DOCK5: variants seen among roughly 807,000 people sequenced by gnomAD.
DOCK5 encodes dedicator of cytokinesis protein 5.
A neutral mutation model predicts 251.8 loss-of-function variants in DOCK5; 142 were observed. The ratio of observed to expected loss-of-function variants is 0.56; its 90% CI spans 0.49 to 0.65. DOCK5 has a LOEUF of 0.65. Ranked by LOEUF, DOCK5 falls within the 30% of genes least tolerant of loss-of-function variation. The pLI is 0.00. For synonymous variants in DOCK5, 842 were observed against 835.5 expected (o/e 1.01, Z -0.13); for missense variants, 2,111 against 2,312.3 (o/e 0.91, Z 1.79).
At chr8:25,222,140 T>C (rs1802407326) in intron 1 of DOCK5, among the ~76,000 whole-genome samples, 1 of 152,222 alleles carries the variant, frequency 6.6e-6, no homozygotes. Flanking sequence ...TTCATGCTGG[T>C]CCACTCTGCA....
chr8:25,224,025 G>T (rs939814687), intron 1 of DOCK5, among the ~76,000 whole-genome samples: 3 of 152,152 alleles, frequency 2.0e-5, no homozygotes, highest in Non-Finnish European at 2.9e-5. Context: ...GTTAATATTT[G>T]TTGAATGAAT....
In DOCK5 at chr8:25,184,969, CT is replaced by C; in HGVS notation, c.43+20del. The C allele has an allele frequency of 7.2e-7, 1 of 1,384,232 alleles. No homozygotes were observed. The highest frequency in any genetic ancestry group is 9.5e-7 in the Non-Finnish European group (1 of 1,057,992). The allele number at this position is 1,384,232 out of a possible 1,614,324, so 85.7% of individuals were successfully genotyped here. A position where few individuals can be genotyped will look rare whatever the true frequency, so the allele number is the denominator to read the frequency against. On this transcript the variant is annotated intron_variant, in intron 1 of 51. Coordinates refer to ENST00000276440, the MANE Select transcript of DOCK5 (RefSeq NM_024940.8). Reference sequence around the variant, plus strand: ...CGGGGTTGGTGAGTGCGCGCCCCACCTTGTCCCGGCCCGACCCACGCGGCCA... The same window carrying C: ...CGGGGTTGGTGAGTGCGCGCCCCACCTGTCCCGGCCCGACCCACGCGGCCA...
rs150902601 is a variant in DOCK5, at chr8:25,205,110, T to A, written c.43+20159T>A. On this transcript the variant is annotated intron_variant, in intron 1 of 51. Coordinates refer to ENST00000276440, the MANE Select transcript of DOCK5 (RefSeq NM_024940.8). ...ACAGGGTCTCATTATGTTGGCCAGGTTGGTCTTGAACTCCTGGCCTCAAGC... is the reference window on the plus strand; with the variant it reads ...ACAGGGTCTCATTATGTTGGCCAGGATGGTCTTGAACTCCTGGCCTCAAGC... 6.7e-3 allele frequency among the ~76,000 whole-genome samples: 1,013 copies of A among 152,196 alleles called. 13 individuals carry two copies. The highest frequency in any genetic ancestry group is 0.023 in the African/African-American group (944 of 41,534).
chr8:25,238,392 ACG>A (rs1802855198), intron 1 of DOCK5, among the ~76,000 whole-genome samples: 1 of 152,248 alleles, frequency 6.6e-6, no homozygotes, highest in South Asian at 2.1e-4. Flanking sequence ...ACTATGAAAT[ACG>A]CTGGAAATGT....
intron 25 of DOCK5, among the ~76,000 whole-genome samples, chr8:25,343,650 A>C (rs1436870133): frequency 1.3e-5 from 2 of 152,218 alleles, no homozygotes; most frequent in African/African-American, 4.8e-5. Flanking sequence ...ACCAGGGGAC[A>C]GGGAAACAGC....
chr8:25,326,689 C>T (rs927175105), intron 18 of DOCK5, among the ~76,000 whole-genome samples: 1 of 152,164 alleles, frequency 6.6e-6, no homozygotes, highest in Non-Finnish European at 1.5e-5. Context: ...GTTTAACTGT[C>T]TTCAGACCCT....
chr8:25,339,499 T>C (rs1805897593), intron 22 of DOCK5, among the ~76,000 whole-genome samples: 1 of 151,922 alleles, frequency 6.6e-6, no homozygotes, highest in African/African-American at 2.4e-5. Flanking sequence ...ATGAAGGCAG[T>C]GTTGGAGTGG....
At chr8:25,365,791 A>G (rs1800764817) in intron 30 of DOCK5, among the ~76,000 whole-genome samples, 1 of 152,202 alleles carries the variant, frequency 6.6e-6, no homozygotes. Flanking sequence ...CTAGGAAGTC[A>G]GTGTGAATTG....
At chr8:25,187,289 A>G (rs1801456082) in intron 1 of DOCK5, among the ~76,000 whole-genome samples, 1 of 149,136 alleles carries the variant, frequency 6.7e-6, no homozygotes, top group African/African-American at 2.5e-5. Context: ...GTATATATGT[A>G]TATACATATA....
intron 34 of DOCK5, among the ~76,000 whole-genome samples, chr8:25,370,687 T>C (rs1800857769): frequency 6.6e-6 from 1 of 152,120 alleles, no homozygotes; most frequent in Non-Finnish European, 1.5e-5. Flanking sequence ...TTTTTACTTG[T>C]GTAGAAATGG....
chr8:25,264,512 G>A lies in DOCK5; in HGVS notation c.128-4333G>A, dbSNP rs546427034. On this transcript the variant is annotated intron_variant, in intron 2 of 51. Transcript: ENST00000276440. ...ACATCCCACAATCCATTCCCATATAGCAGCAAGGATGCTCTTTTAAAAGCC... is the reference window on the plus strand; with the variant it reads ...ACATCCCACAATCCATTCCCATATAACAGCAAGGATGCTCTTTTAAAAGCC... Among the ~76,000 whole-genome samples the A allele has an allele frequency of 2.6e-5, 4 of 151,672 alleles. No individual in the cohort carries two copies. The East Asian group carries it at 7.7e-4, about 29-fold the overall frequency.
chr8:25,349,813 A>G (rs374475892), intron 26 of DOCK5, among the ~76,000 whole-genome samples: 4 of 152,168 alleles, frequency 2.6e-5, no homozygotes, highest in African/African-American at 9.7e-5. Context: ...CATTGGGTAC[A>G]GTGTACACTG....
At chr8:25,199,004 G>T (rs1226121616) in intron 1 of DOCK5, among the ~76,000 whole-genome samples, 1 of 152,154 alleles carries the variant, frequency 6.6e-6, no homozygotes, top group Non-Finnish European at 1.5e-5. Flanking sequence ...TGTTTGAGGA[G>T]GTTTGAGCCT....
rs191899889 is a variant in DOCK5 at position 25,378,915 on chromosome 8, C to T, written c.3937-1390C>T. On this transcript the variant is annotated intron_variant, in intron 38 of 51. Coordinates refer to ENST00000276440, the MANE Select transcript of DOCK5 (RefSeq NM_024940.8). ...AATTTTACAGCTGGGCTGCCGGGGG[C>T]GACATCACATATCGGTAGGACCGTG... 1.9e-3 allele frequency among the ~76,000 whole-genome samples: 285 copies of T among 152,216 alleles called. 3 individuals carry two copies. The South Asian group carries it at 0.03, about 16-fold the overall frequency.
chr8:25,404,962 TTTTG>T (rs1234094845), intron 48 of DOCK5, among the ~76,000 whole-genome samples: 5 of 152,144 alleles, frequency 3.3e-5, no homozygotes, highest in Non-Finnish European at 5.9e-5. Context: ...GTTTTTTGGT[TTTTG>T]TTTATTTTTC....
chr8:25,226,097 A>G (rs1802523175), intron 1 of DOCK5, among the ~76,000 whole-genome samples: 1 of 152,214 alleles, frequency 6.6e-6, no homozygotes, highest in Non-Finnish European at 1.5e-5. Context: ...GTCATTTAGC[A>G]GGTAAAATAA....
intron 16 of DOCK5, 116 bp downstream of exon 16, chr8:25,321,168 T>G: frequency 1.1e-6 from 1 of 869,732 alleles, no homozygotes; most frequent in Non-Finnish European, 1.8e-6. Flanking sequence ...TTGGCAGCTG[T>G]ATTTTGTAAC....
At chr8:25,397,297 C>G (rs1462831495) in intron 45 of DOCK5, among the ~76,000 whole-genome samples, 1 of 152,126 alleles carries the variant, frequency 6.6e-6, no homozygotes, top group Non-Finnish European at 1.5e-5. Context: ...GGGAGACATC[C>G]TGTGTAGAAG....
intron 1 of DOCK5, among the ~76,000 whole-genome samples, chr8:25,197,034 TATTTA>T (rs1280236056): frequency 1.2e-5 from 1 of 85,920 alleles, no homozygotes; most frequent in African/African-American, 2.8e-5. Flanking sequence ...CCCTGTCTAT[TATTTA>T]AAAAAAAAAT....
Sources: gnomAD v4.1 joint callset for allele counts (sites outside exome capture counted in the v4.1 genomes callset) on GRCh38, gnomAD v4.1.1 for gene constraint, MANE v1.5 for transcripts, NCBI Gene and HGNC (gene_info 2026-07-23, HGNC 2026-07-21) for gene names.